DLG2: variants seen among roughly 807,000 people sequenced by gnomAD.
DLG2 encodes the protein disks large homolog 2.
DLG2 carries 45 observed loss-of-function variants against 132.5 expected under a neutral mutation model. That is an observed-to-expected ratio of 0.34 (90% CI 0.27 to 0.44). DLG2 has a LOEUF of 0.44. Among genes scored for constraint, DLG2 ranks in the 20% least tolerant of loss-of-function variants. The pLI, the probability that DLG2 is intolerant of heterozygous loss-of-function variation, is 1.00. For synonymous variants in DLG2, 424 were observed against 419.6 expected, an observed-to-expected ratio of 1.01 and a Z score of -0.13; for missense variants, 1,045 against 1,196.9, an observed-to-expected ratio of 0.87 and a Z score of 1.87.
At chr11:83,489,813 T>C (rs1326321873) in intron 21 of DLG2, among the ~76,000 whole-genome samples, 1 of 151,912 alleles carries the variant, frequency 6.6e-6, no homozygotes, top group Non-Finnish European at 1.5e-5. Context: ...ATTTGGTGTG[T>C]GCTGTAGGGT....
intron 3 of DLG2, among the ~76,000 whole-genome samples, chr11:85,438,499 A>G (rs899605081): frequency 6.6e-6 from 1 of 152,200 alleles, no homozygotes; most frequent in Non-Finnish European, 1.5e-5. Flanking sequence ...TTTAATAGCA[A>G]AAACCGCAAT....
At chr11:83,473,928 T>C (rs760390677) in intron 22 of DLG2, among the ~76,000 whole-genome samples, 1 of 152,060 alleles carries the variant, frequency 6.6e-6, no homozygotes. Flanking sequence ...AGCTGCGAAG[T>C]TGGATGACTT....
chr11:83,934,118 C>T (rs2080948778), intron 14 of DLG2, among the ~76,000 whole-genome samples: 1 of 152,200 alleles, frequency 6.6e-6, no homozygotes, highest in African/African-American at 2.4e-5. Flanking sequence ...TCCCATATGA[C>T]ATTAGTTGTC....
chr11:85,002,205 G>A (rs1388989827), intron 6 of DLG2, among the ~76,000 whole-genome samples: 2 of 152,064 alleles, frequency 1.3e-5, no homozygotes, highest in Non-Finnish European at 2.9e-5. Context: ...CTCCTTTTGA[G>A]AAGCTATAAT....
At chr11:83,832,541 G>A (rs1166448549) in intron 17 of DLG2, among the ~76,000 whole-genome samples, 1 of 152,134 alleles carries the variant, frequency 6.6e-6, no homozygotes, top group Admixed American at 6.5e-5. Flanking sequence ...ACTTATAAGT[G>A]GGAGCGAAAT....
chr11:85,101,697 C>A (rs987979139), intron 6 of DLG2, among the ~76,000 whole-genome samples: 1 of 151,974 alleles, frequency 6.6e-6, no homozygotes, highest in African/African-American at 2.4e-5. Flanking sequence ...TAGCTTTGTA[C>A]AAACCTGTGA....
At position 85,152,511 on chromosome 11, in the gene DLG2, T is replaced by C. The variant is rs536692870; in HGVS notation, c.282+2045A>G. On this transcript the variant is annotated intron_variant, in intron 5 of 27. Coordinates refer to ENST00000376104, the MANE Select transcript of DLG2 (RefSeq NM_001142699.3). ...ACCTTGGCCTCCCAAAGTGCTGGGA[T>C]TACACCTTGGCCTCCCAAAGTGCTG... Among the ~76,000 whole-genome samples the C allele has an allele frequency of 5.3e-5, 8 of 152,124 alleles. No homozygotes were observed. The South Asian group carries it at 1.0e-3, about 20-fold the overall frequency.
intron 3 of DLG2, among the ~76,000 whole-genome samples, chr11:85,423,853 T>C (rs1210215020): frequency 6.6e-6 from 1 of 152,118 alleles, no homozygotes; most frequent in Non-Finnish European, 1.5e-5. Flanking sequence ...ACTACCTGCA[T>C]CCCAGCTGCA....
At chr11:85,302,885 C>A (rs1005290708) in intron 3 of DLG2, among the ~76,000 whole-genome samples, 1 of 152,132 alleles carries the variant, frequency 6.6e-6, no homozygotes, top group Non-Finnish European at 1.5e-5. Context: ...ATAAAAAATT[C>A]AAATGCATTA....
intron 7 of DLG2, among the ~76,000 whole-genome samples, chr11:84,360,559 C>T (rs559260746): frequency 7.2e-4 from 110 of 152,102 alleles, no homozygotes; most frequent in African/African-American, 2.6e-3. Flanking sequence ...AGCTTACTGC[C>T]TGGAGGCAGT....
chr11:84,251,776 G>A (rs562692723), intron 7 of DLG2, among the ~76,000 whole-genome samples: 6 of 151,328 alleles, frequency 4.0e-5, no homozygotes, highest in African/African-American at 1.5e-4. Context: ...AAGTAGCTAC[G>A]ACTACAGGCA....
intron 15 of DLG2, among the ~76,000 whole-genome samples, chr11:83,927,378 G>A (rs1025696565): frequency 2.0e-5 from 3 of 152,072 alleles, no homozygotes; most frequent in Non-Finnish European, 4.4e-5. Flanking sequence ...TATAATGGGG[G>A]CCTGATTTTC....
intron 6 of DLG2, among the ~76,000 whole-genome samples, chr11:84,787,656 CTAATT>C (rs1259326739): frequency 9.2e-5 from 14 of 152,068 alleles, no homozygotes; most frequent in Non-Finnish European, 1.5e-5. Flanking sequence ...GAATATATGC[CTAATT>C]TATTTTTCTG....
intron 3 of DLG2, among the ~76,000 whole-genome samples, chr11:85,537,367 A>G (rs1029313462): frequency 6.6e-6 from 1 of 152,210 alleles, no homozygotes; most frequent in African/African-American, 2.4e-5. Flanking sequence ...CACTCTTCGC[A>G]ATAAATCTCG....
At chr11:83,633,069 G>T in intron 19 of DLG2, 142 bp downstream of exon 19, 1 of 655,586 alleles carries the variant, frequency 1.5e-6, no homozygotes, top group Non-Finnish European at 2.7e-6. Flanking sequence ...TATTCCAAAT[G>T]CTTAAACACA....
At chr11:83,677,529 G>A (rs367704976) in intron 18 of DLG2, among the ~76,000 whole-genome samples, 1 of 152,104 alleles carries the variant, frequency 6.6e-6, no homozygotes, top group South Asian at 2.1e-4. Flanking sequence ...GCTAAGGAAA[G>A]CAAAGTTGCA....
At chr11:84,112,322 CTTTTTTTTTTTTTTTTT>C (rs60021668) in intron 9 of DLG2, among the ~76,000 whole-genome samples, 12 of 119,236 alleles carry the variant, frequency 1.0e-4, no homozygotes, top group African/African-American at 3.5e-4. Context: ...TTTACTTTTC[CTTTTTTTTTTTTTTTTT>C]TTTTTTTTAC....
chr11:85,501,345 G>A (rs1259239565), intron 3 of DLG2, among the ~76,000 whole-genome samples: 2 of 152,156 alleles, frequency 1.3e-5, no homozygotes, highest in African/African-American at 2.4e-5. Flanking sequence ...ATACCATTCA[G>A]GACATAGGCA....
intron 8 of DLG2, among the ~76,000 whole-genome samples, chr11:84,238,042 T>TAAAAAAAAAAAAAAAAAAA (rs71036414): frequency 8.2e-5 from 6 of 73,096 alleles, no homozygotes; most frequent in Non-Finnish European, 1.6e-4. Flanking sequence ...AGACTCTGCC[T>TAAAAAAAAAAAAAAAAAAA]AAAAAAAAAA....
Sources: allele counts gnomAD v4.1 joint callset (sites outside exome capture counted in the v4.1 genomes callset), GRCh38; gene constraint gnomAD v4.1.1; transcripts MANE v1.5; gene names NCBI Gene and HGNC (gene_info 2026-07-23, HGNC 2026-07-21).